Variants in ZNF318 observed in about 807,000 individuals in gnomAD.
ZNF318 encodes zinc finger protein 318.
Under a neutral mutation model 124.2 loss-of-function variants are expected in ZNF318, and 51 were observed. The observed-to-expected ratio is 0.41, with a 90% CI of 0.33 to 0.52. ZNF318 has a LOEUF of 0.52. ZNF318 is among the 20% of genes least tolerant of loss of function. The probability of loss-of-function intolerance (pLI) is 0.23; values close to 1 mark genes in which losing one functional copy is unlikely to be tolerated. For missense variants in ZNF318, 2,815 were observed against 2,811.2 expected (o/e 1.00, Z -0.03); for synonymous variants, 1,090 against 1,040.7 (o/e 1.05, Z -0.91).
chr6:43,361,906 A>T (rs1779685415), intron 2 of ZNF318, among the ~76,000 whole-genome samples: 1 of 152,166 alleles, frequency 6.6e-6, no homozygotes, highest in African/African-American at 2.4e-5. Flanking sequence ...CTGCAATCCC[A>T]TCACTTTGGG....
In ZNF318 at chr6:43,357,314, T is replaced by C. The variant is rs2150755229; in HGVS notation, c.1000A>G (p.Ser334Gly). Reference sequence around the variant, plus strand: ...ACTCCAACCAGCTCCTGACTCAAGCTCCTACTTCGCTCCTCCTCTTCCTCT... The same window carrying C: ...ACTCCAACCAGCTCCTGACTCAAGCCCCTACTTCGCTCCTCCTCTTCCTCT... The part of the protein sequence containing the change: ...KREEEEERSR[S>G]LSQELVGVDG... The change falls in exon 3 of 10, where the codon AGC becomes GGC. Residue 334 changes from serine (S) to glycine (G), a missense_variant. Coordinates refer to ENST00000361428, the MANE Select transcript of ZNF318 (RefSeq NM_014345.3). 2 of 1,614,138 alleles carry C rather than the reference T, an allele frequency of 1.2e-6. No individual in the cohort carries two copies. Among genetic ancestry groups the C allele is most frequent in the East Asian group, 2.2e-5 (1 of 44,878 alleles).
chr6:43,349,293 G>A (rs990032092), intron 5 of ZNF318, among the ~76,000 whole-genome samples: 10 of 151,584 alleles, frequency 6.6e-5, no homozygotes, highest in African/African-American at 2.2e-4. Context: ...GAGGGCTGAA[G>A]AATTATTTAG....
rs751909657 is a variant in ZNF318, at chr6:43,356,131, G to A, written c.1203C>T (p.Ser401=). 6.2e-7 allele frequency: 1 copy of A among 1,610,268 alleles called. No homozygotes were observed. The highest frequency in any genetic ancestry group is 1.1e-5 in the South Asian group (1 of 90,376). Residue 401 remains serine, a synonymous_variant, in exon 4 of 10, where the codon TCC becomes TCT. Transcript: ENST00000361428. ...MEPSMQLESF[S]SSTSSSQDHP... ...GATCCTGGCTGGAGCTGGTACTGCTGGAAAAACTCTCAAGCTGCAAAGACA... is the reference window on the plus strand; with the variant it reads ...GATCCTGGCTGGAGCTGGTACTGCTAGAAAAACTCTCAAGCTGCAAAGACA...
Position 43,340,139 on chromosome 6 carries a change from T to C in ZNF318, c.3859A>G (p.Lys1287Glu). 6.2e-7 allele frequency: 1 copy of C among 1,614,152 alleles called. No individual in the cohort carries two copies. The highest frequency in any genetic ancestry group is 8.5e-7 in the Non-Finnish European group (1 of 1,180,026). Residue 1287 changes from lysine to glutamate, a missense_variant, in exon 10 of 10, where the codon AAA becomes GAA. By Grantham distance (56) the Lys-to-Glu change is moderately conservative (BLOSUM62 1). This residue lies in a region of ZNF318 where 500 missense variants were observed against 605.2 expected (regional missense o/e 0.83). Coordinates refer to ENST00000361428, the MANE Select transcript of ZNF318 (RefSeq NM_014345.3). Reference sequence around the variant, plus strand: ...ATACTTGGGGTCACCAATGAACTTTTCTCCTCTTCTTTTTCTGGCTTCTTC... The same window carrying C: ...ATACTTGGGGTCACCAATGAACTTTCCTCCTCTTCTTTTTCTGGCTTCTTC... ...SWKKPEKEEE[K>E]SSLVTPSISK...
Position 43,356,141 on chromosome 6 carries a change from T to C in ZNF318, c.1193A>G (p.Glu398Gly), listed in dbSNP as rs374990378. 1.1e-5 allele frequency: 18 copies of C among 1,609,240 alleles called. No homozygotes were observed. In the African/African-American group the frequency reaches 2.0e-4, roughly 18 times the overall value. Reference protein sequence around the residue: ...VDIMEPSMQLESFSSSTSSSQ... With the variant: ...VDIMEPSMQLGSFSSSTSSSQ... ...GGAGCTGGTACTGCTGGAAAAACTCTCAAGCTGCAAAGACAAACACAACTG... is the reference window on the plus strand; with the variant it reads ...GGAGCTGGTACTGCTGGAAAAACTCCCAAGCTGCAAAGACAAACACAACTG... Residue 398 changes from glutamate (E) to glycine (G), a missense_variant, in exon 4 of 10, where the codon GAG becomes GGG. Glu to Gly is a moderately conservative substitution (Grantham distance 98). Transcript: ENST00000361428.
Position 43,369,482 on chromosome 6 carries a change from A to C in ZNF318, c.-117T>G, listed in dbSNP as rs1265706258. 1 of 826,256 alleles carries C rather than the reference A, an allele frequency of 1.2e-6. No individual in the cohort carries two copies. The highest frequency in any genetic ancestry group is 5.7e-5 in the South Asian group (1 of 17,508). The allele number at this position is 826,256 out of a possible 1,614,324, so 51.2% of individuals were successfully genotyped here. A position where few individuals can be genotyped will look rare whatever the true frequency, so the allele number is the denominator to read the frequency against. On this transcript the variant is annotated 5_prime_UTR_variant, in exon 1 of 10. Coordinates refer to ENST00000361428, the MANE Select transcript of ZNF318 (RefSeq NM_014345.3). ...CACCTCGGCCGCTGCGCGCCGCCTCAGCCGCGGGAGCAGCCCCCTCCCCTC... is the reference window on the plus strand; with the variant it reads ...CACCTCGGCCGCTGCGCGCCGCCTCCGCCGCGGGAGCAGCCCCCTCCCCTC...
intron 2 of ZNF318, chr6:43,363,729 GGT>G: frequency 6.9e-6 from 4 of 578,980 alleles, no homozygotes; most frequent in Non-Finnish European, 1.2e-5. Flanking sequence ...TCAAGGATGA[GGT>G]GTTGAAGATT....
At position 43,339,275 on chromosome 6, in the gene ZNF318, T is replaced by A. The variant is rs1370332895; in HGVS notation, c.4723A>T (p.Ser1575Cys). The change falls in exon 10 of 10, where the codon AGT becomes TGT. Residue 1575 changes from serine (S) to cysteine (C), a missense_variant. This residue lies in a region of ZNF318 where 927 missense variants were observed against 820.6 expected (regional missense o/e 1.13). Coordinates refer to ENST00000361428, the MANE Select transcript of ZNF318 (RefSeq NM_014345.3). This position sits in a 1 kb window ranked among gnomAD's most constrained non-coding sequence, Gnocchi z 4.2. ...AKDLYDIFYSSGGKGAPETKG... is the reference protein window; with the variant it reads ...AKDLYDIFYSCGGKGAPETKG... ...GTCTCAGGGGCCCCCTTTCCACCAC[T>A]ACTATAGAATATGTCATACAGGTCC... 7 of 1,614,014 alleles carry A rather than the reference T, an allele frequency of 4.3e-6. No homozygotes were observed. Among genetic ancestry groups the A allele is most frequent in the Non-Finnish European group, 5.9e-6 (7 of 1,180,036 alleles).
chr6:43,348,704 C>A, intron 5 of ZNF318, 79 bp from the exon 6 acceptor site: 1 of 1,491,042 alleles, frequency 6.7e-7, no homozygotes, highest in South Asian at 1.3e-5. Context: ...AATAATTTGT[C>A]AGGGCTTTAT....
At chr6:43,346,132 T>C (rs1361734360) in intron 6 of ZNF318, among the ~76,000 whole-genome samples, 1 of 136,922 alleles carries the variant, frequency 7.3e-6, no homozygotes, top group Non-Finnish European at 1.5e-5. Flanking sequence ...AAGACAGAGG[T>C]TGCAGTGAGC....
At chr6:43,349,924 G>C (rs187570464) in intron 5 of ZNF318, among the ~76,000 whole-genome samples, 1 of 151,574 alleles carries the variant, frequency 6.6e-6, no homozygotes, top group East Asian at 2.0e-4. Context: ...CCTCCAGCCT[G>C]AACAACAGAA....
chr6:43,367,534 G>A (rs1779778108), intron 1 of ZNF318, among the ~76,000 whole-genome samples: 1 of 152,200 alleles, frequency 6.6e-6, no homozygotes, highest in Admixed American at 6.5e-5. Flanking sequence ...TATTCTAGAG[G>A]TAAAGCTAAC....
chr6:43,366,944 C>G (rs1280781405), intron 1 of ZNF318, among the ~76,000 whole-genome samples: 1 of 152,084 alleles, frequency 6.6e-6, no homozygotes, highest in Admixed American at 6.5e-5. Context: ...CTCCGCCTCC[C>G]AGGTTCATGC....
At chr6:43,349,836 T>C (rs1200406188) in intron 5 of ZNF318, among the ~76,000 whole-genome samples, 2 of 151,832 alleles carry the variant, frequency 1.3e-5, no homozygotes, top group African/African-American at 4.8e-5. Context: ...GTAATCCCAG[T>C]GCTTTGGGAG....
In ZNF318 at chr6:43,337,083, C is replaced by A; in HGVS notation, c.*75G>T. 2 of 1,364,188 alleles carry A rather than the reference C, an allele frequency of 1.5e-6. No homozygotes were observed. Among genetic ancestry groups the A allele is most frequent in the Non-Finnish European group, 2.0e-6 (2 of 1,020,156 alleles). The allele number at this position is 1,364,188 out of a possible 1,614,324, so 84.5% of individuals were successfully genotyped here. ...TGTAGGTTCCAGATGAGATAACAAA[C>A]TAGTCTTGGATCATCTGGGCATCTG... On this transcript the variant is annotated 3_prime_UTR_variant, in exon 10 of 10. Coordinates refer to ENST00000361428, the MANE Select transcript of ZNF318 (RefSeq NM_014345.3).
chr6:43,339,962 T>C lies in ZNF318; in HGVS notation c.4036A>G (p.Thr1346Ala). ...ATAGGCAGGTTGGGTCGGATCTTAG[T>C]CTGTGTGGAAGTTGTCACAACAGGC... ...WMPVVTTSTQ[T>A]KIRPNLPIPS... The change falls in exon 10 of 10, where the codon ACT (threonine) becomes GCT (alanine). Residue 1346 changes from threonine to alanine, a missense_variant. Thr to Ala is a moderately conservative substitution (Grantham distance 58, BLOSUM62 0). Transcript: ENST00000361428. The surrounding 1 kb of genome is among the most constrained non-coding windows in gnomAD (Gnocchi z 4.2). 6.2e-7 allele frequency: 1 copy of C among 1,614,190 alleles called. No homozygotes were observed.
In ZNF318 at chr6:43,357,623, G is replaced by A; in HGVS notation, c.691C>T (p.Leu231=). ...DEDYRTKETF[L]HRSDYSPHIS... ...TGGGGACTATAATCAGATCGATGCA[G>A]GAAAGTTTCTTTTGTTCGGTAGTCC... is the stretch of plus-strand genomic sequence containing the variant. Residue 231 remains leucine, a synonymous_variant, in exon 3 of 10, where the codon CTG becomes TTG. Transcript: ENST00000361428. 6.2e-7 allele frequency: 1 copy of A among 1,614,108 alleles called. No homozygotes were observed. Among genetic ancestry groups the A allele is most frequent in the Non-Finnish European group, 8.5e-7 (1 of 1,180,028 alleles).
chr6:43,367,823 C>T (rs1486115047), intron 1 of ZNF318, among the ~76,000 whole-genome samples: 1 of 152,098 alleles, frequency 6.6e-6, no homozygotes, highest in Non-Finnish European at 1.5e-5. Flanking sequence ...TACTTACATA[C>T]ATGTTAGAGA....
At chr6:43,358,414 A>ACTT (rs1554195649) in intron 2 of ZNF318, among the ~76,000 whole-genome samples, 1 of 124,782 alleles carries the variant, frequency 8.0e-6, no homozygotes, top group East Asian at 2.3e-4. Context: ...CACCCGGCTA[A>ACTT]TTTTTTTTTT....
Sources: allele counts gnomAD v4.1 joint callset (sites outside exome capture counted in the v4.1 genomes callset), GRCh38; gene constraint gnomAD v4.1.1; regional missense constraint gnomAD v4.1.1; non-coding constraint Gnocchi (gnomAD v3.1); transcripts MANE v1.5; gene names NCBI Gene and HGNC (gene_info 2026-07-23, HGNC 2026-07-21).